The following ZC3HC1 variants were observed in gnomAD, a reference collection of about 807,000 sequenced individuals.
The protein encoded by ZC3HC1 is zinc finger C3HC-type containing 1.
ZC3HC1 carries 38 observed loss-of-function variants against 61.9 expected under a neutral mutation model. The observed-to-expected ratio is 0.61, with a 90% CI of 0.47 to 0.81. The LOEUF is 0.81. Among genes scored for constraint, ZC3HC1 ranks in the 30% least tolerant of loss-of-function variants. The pLI is 0.00. For synonymous variants in ZC3HC1, 213 were observed against 229.9 expected (o/e 0.93, Z 0.67); for missense variants, 554 against 622.7 (o/e 0.89, Z 1.17).
intron 5 of ZC3HC1, 81 bp from the exon 6 acceptor site, chr7:130,026,393 C>A (rs1212979249): frequency 1.4e-6 from 2 of 1,439,048 alleles, no homozygotes; most frequent in African/African-American, 1.4e-5. Context: ...CTAGATGGTA[C>A]AAGCCGAAAA....
intron 5 of ZC3HC1, 167 bp from the exon 6 acceptor site, chr7:130,026,479 A>G: frequency 3.2e-6 from 2 of 625,762 alleles, no homozygotes; most frequent in Non-Finnish European, 2.6e-6. Context: ...GGGCTATAGT[A>G]TCACACAGAA....
chr7:130,028,882 C>A lies in ZC3HC1; in HGVS notation c.621+20G>T. 2 of 1,608,478 alleles carry A rather than the reference C, an allele frequency of 1.2e-6. No individual in the cohort carries two copies. The highest frequency in any genetic ancestry group is 2.2e-5 in the South Asian group (2 of 90,676). The stretch of plus-strand genomic sequence containing the variant: ...TGGCAACAACTGGAGGCCATTGCAG[C>A]CTAGTCAGGAAAAACTCACCATAGT... On this transcript the variant is annotated intron_variant, in intron 5 of 9. Coordinates refer to ENST00000358303, the MANE Select transcript of ZC3HC1 (RefSeq NM_016478.5).
chr7:130,019,509 C>T (rs1313791172), intron 9 of ZC3HC1, among the ~76,000 whole-genome samples: 1 of 152,156 alleles, frequency 6.6e-6, no homozygotes, highest in East Asian at 1.9e-4. Flanking sequence ...TAAGCTCTGG[C>T]CTTGGTCTTC....
At chr7:130,037,995 T>C (rs556906572) in intron 4 of ZC3HC1, among the ~76,000 whole-genome samples, 3 of 152,190 alleles carry the variant, frequency 2.0e-5, no homozygotes, top group Non-Finnish European at 4.4e-5. Context: ...TCTTACTATA[T>C]TTATTGCTCA....
intron 4 of ZC3HC1, among the ~76,000 whole-genome samples, chr7:130,030,421 A>AC (rs1045600232): frequency 2.0e-5 from 3 of 152,040 alleles, no homozygotes; most frequent in African/African-American, 7.2e-5. Context: ...GCTGATCTTT[A>AC]ACTCTTGGCC....
At chr7:130,050,278 C>T (rs1430491654) in intron 1 of ZC3HC1, among the ~76,000 whole-genome samples, 2 of 151,998 alleles carry the variant, frequency 1.3e-5, no homozygotes, top group African/African-American at 4.8e-5. Flanking sequence ...GGGGTTTCAC[C>T]GTGTTAGCCA....
In ZC3HC1 at chr7:130,051,312, C is replaced by A; in HGVS notation, c.55G>T (p.Gly19Cys). Residue 19 changes from glycine to cysteine, a missense_variant, in exon 1 of 10, where the codon GGT becomes TGT. Gly to Cys is a radical substitution (Grantham distance 159). Coordinates refer to ENST00000358303, the MANE Select transcript of ZC3HC1 (RefSeq NM_016478.5). ...CCTTCTGGGGAGCGAACTACTGCAC[C>A]CCAATTCTTTTCAACCCCTACGGCA... ...AFAVGVEKNW[G>C]AVVRSPEGTP... is the part of the protein sequence containing the mutation. 1 of 1,613,216 alleles carries A rather than the reference C, an allele frequency of 6.2e-7. No individual in the cohort carries two copies. Among genetic ancestry groups the A allele is most frequent in the Non-Finnish European group, 8.5e-7 (1 of 1,179,584 alleles).
In ZC3HC1 at chr7:130,051,334, G is replaced by A. The variant is rs764022453; in HGVS notation, c.33C>T (p.Ala11=). Residue 11 remains alanine, a synonymous_variant, in exon 1 of 10, where the codon GCC becomes GCT. Coordinates refer to ENST00000358303, the MANE Select transcript of ZC3HC1 (RefSeq NM_016478.5). ...CACCCCAATTCTTTTCAACCCCTAC[G>A]GCAAACGCTTGTCCCTCACAGGGCG... The part of the protein sequence containing the change: MAAPCEGQAF[A]VGVEKNWGAV... The A allele has an allele frequency of 2.2e-5, 35 of 1,613,028 alleles. No homozygotes were observed. The Admixed American group carries it at 2.5e-4, about 12-fold the overall frequency.
chr7:130,043,092 C>T (rs1341215904), intron 2 of ZC3HC1, among the ~76,000 whole-genome samples: 1 of 152,038 alleles, frequency 6.6e-6, no homozygotes, highest in East Asian at 1.9e-4. Context: ...CCTGGGCCAA[C>T]ATGGTGAAAC....
At chr7:130,042,672 G>A (rs1231307935) in intron 2 of ZC3HC1, among the ~76,000 whole-genome samples, 1 of 152,044 alleles carries the variant, frequency 6.6e-6, no homozygotes, top group East Asian at 1.9e-4. Flanking sequence ...TAAATGCTCA[G>A]TTTTTTTGTT....
At chr7:130,044,834 A>G (rs1315048923) in intron 2 of ZC3HC1, among the ~76,000 whole-genome samples, 2 of 152,206 alleles carry the variant, frequency 1.3e-5, no homozygotes, top group African/African-American at 4.8e-5. Flanking sequence ...GCATTGCTTC[A>G]CGACACTCCT....
intron 3 of ZC3HC1, among the ~76,000 whole-genome samples, chr7:130,040,177 T>C (rs1252417950): frequency 1.8e-5 from 2 of 114,142 alleles, no homozygotes; most frequent in Admixed American, 2.5e-4. Flanking sequence ...GTAGCTAGCT[T>C]AGTTTAAAAA....
chr7:130,032,760 G>A (rs1254285636), intron 4 of ZC3HC1, among the ~76,000 whole-genome samples: 2 of 112,850 alleles, frequency 1.8e-5, no homozygotes, highest in Non-Finnish European at 3.6e-5. Flanking sequence ...GGGAAGGGGG[G>A]AAGGGAAGGA....
intron 9 of ZC3HC1, among the ~76,000 whole-genome samples, chr7:130,021,064 A>ATT (rs746887020): frequency 2.0e-3 from 289 of 144,478 alleles, no homozygotes; most frequent in African/African-American, 6.9e-3. Flanking sequence ...CACATGGCAA[A>ATT]TTTTTTTTTT....
At chr7:130,048,840 C>G (rs546866639) in intron 2 of ZC3HC1, 193 bp downstream of exon 2, 44 of 396,460 alleles carry the variant, frequency 1.1e-4, no homozygotes, top group Non-Finnish European at 1.7e-4. Flanking sequence ...GTTTTTTCTT[C>G]TGTAAAAAGA....
At chr7:130,048,686 C>T (rs1199680699) in intron 2 of ZC3HC1, among the ~76,000 whole-genome samples, 1 of 152,066 alleles carries the variant, frequency 6.6e-6, no homozygotes, top group Non-Finnish European at 1.5e-5. Context: ...ATAACCTGCC[C>T]CAAACTGTTT....
chr7:130,045,890 C>CAAAAAAA (rs59500095), intron 2 of ZC3HC1, among the ~76,000 whole-genome samples: 1 of 38,582 alleles, frequency 2.6e-5, no homozygotes, highest in African/African-American at 9.0e-5. Flanking sequence ...GACTCCATCT[C>CAAAAAAA]AAAAAAAAAA....
At chr7:130,036,265 C>T (rs1467424759) in intron 4 of ZC3HC1, among the ~76,000 whole-genome samples, 1 of 152,092 alleles carries the variant, frequency 6.6e-6, no homozygotes, top group East Asian at 1.9e-4. Flanking sequence ...CGCCTGTAAT[C>T]CCAGCACTTT....
rs776081055 is a variant in ZC3HC1, at chr7:130,026,110, A to G, written c.776+48T>C. ...ATTAGTGACTGATATATATGGGTGT[A>G]ATGCTGTTGTCATGGTTCATGTCTC... On this transcript the variant is annotated intron_variant, in intron 6 of 9. Coordinates refer to ENST00000358303, the MANE Select transcript of ZC3HC1 (RefSeq NM_016478.5). The G allele has an allele frequency of 3.9e-5, 62 of 1,587,526 alleles. No individual in the cohort carries two copies. The South Asian group carries it at 6.7e-4, about 17-fold the overall frequency.
Sources: allele counts gnomAD v4.1 joint callset (sites outside exome capture counted in the v4.1 genomes callset), GRCh38; gene constraint gnomAD v4.1.1; transcripts MANE v1.5; gene names NCBI Gene and HGNC (gene_info 2026-07-23, HGNC 2026-07-21).